Variants in FANCC observed in about 807,000 individuals in gnomAD.
FANCC encodes FA complementation group C.
FANCC carries 55 observed loss-of-function variants against 71.3 expected under a neutral mutation model. The observed-to-expected ratio is 0.77, with a 90% CI of 0.62 to 0.97. The LOEUF (loss-of-function observed/expected upper bound fraction) is 0.97, where lower values mean the gene tolerates loss of function less well. Among genes scored for constraint, FANCC ranks in the 50% least tolerant of loss-of-function variants. The pLI is 0.00. For missense variants in FANCC, 678 were observed against 670.9 expected, an observed-to-expected ratio of 1.01 and a Z score of -0.12; for synonymous variants, 275 against 244.9, an observed-to-expected ratio of 1.12 and a Z score of -1.15.
At chr9:95,230,432 C>T (rs564467083) in intron 4 of FANCC, among the ~76,000 whole-genome samples, 1 of 152,240 alleles carries the variant, frequency 6.6e-6, no homozygotes, top group African/African-American at 2.4e-5. Flanking sequence ...AATTATTTAA[C>T]CTTATTGTGT....
intron 1 of FANCC, among the ~76,000 whole-genome samples, chr9:95,273,175 A>G (rs531829625): frequency 8.5e-5 from 13 of 152,360 alleles, no homozygotes; most frequent in Middle Eastern, 3.4e-3. Flanking sequence ...TCGACGAGGG[A>G]AGGGTGGTGA....
intron 8 of FANCC, among the ~76,000 whole-genome samples, chr9:95,128,910 T>C (rs996680619): frequency 1.6e-5 from 2 of 127,716 alleles, no homozygotes; most frequent in African/African-American, 7.3e-5. Flanking sequence ...ACCAGTCTCC[T>C]TTTTTTTTTT....
At chr9:95,166,290 C>T (rs1831064374) in intron 6 of FANCC, among the ~76,000 whole-genome samples, 1 of 152,006 alleles carries the variant, frequency 6.6e-6, no homozygotes, top group African/African-American at 2.4e-5. Flanking sequence ...AGTAGTTATT[C>T]TGTTCACGAT....
rs551031340 is a variant in FANCC at position 95,308,862 on chromosome 9, G to A, written c.-79+8664C>T. ...AAAATTCAAGATATTTTTAAGGGCAGGCACAGTGTCTGCCTCATGCCTGTA... is the reference window on the plus strand; with the variant it reads ...AAAATTCAAGATATTTTTAAGGGCAAGCACAGTGTCTGCCTCATGCCTGTA... On this transcript the variant is annotated intron_variant, in intron 1 of 14. Transcript: ENST00000289081. Among the ~76,000 whole-genome samples the A allele has an allele frequency of 2.0e-5, 3 of 152,216 alleles. No homozygotes were observed. In the South Asian group the frequency reaches 6.2e-4, roughly 32 times the overall value.
intron 4 of FANCC, among the ~76,000 whole-genome samples, chr9:95,175,033 C>T (rs1045003389): frequency 6.6e-6 from 1 of 152,168 alleles, no homozygotes; most frequent in African/African-American, 2.4e-5. Context: ...TCTGCCCTTC[C>T]CCATCATGAT....
chr9:95,298,674 G>T (rs1315995698), intron 1 of FANCC, among the ~76,000 whole-genome samples: 1 of 152,208 alleles, frequency 6.6e-6, no homozygotes, highest in Non-Finnish European at 1.5e-5. Flanking sequence ...TAGCAGACCT[G>T]TAGCCCACCC....
At chr9:95,241,707 T>G (rs1830643320) in intron 3 of FANCC, among the ~76,000 whole-genome samples, 1 of 152,188 alleles carries the variant, frequency 6.6e-6, no homozygotes, top group South Asian at 2.1e-4. Context: ...TCACCCAGGC[T>G]GGAGTGCAGT....
At chr9:95,171,813 T>A (rs551072897) in intron 5 of FANCC, among the ~76,000 whole-genome samples, 11 of 152,322 alleles carry the variant, frequency 7.2e-5, no homozygotes, top group Admixed American at 5.2e-4. Flanking sequence ...AAAGAGAGGC[T>A]GATTGGTTGG....
chr9:95,126,662 A>G, intron 8 of FANCC, 81 bp from the exon 9 acceptor site: 3 of 1,407,954 alleles, frequency 2.1e-6, no homozygotes, highest in Non-Finnish European at 3.0e-6. Flanking sequence ...CAAAGGAGTT[A>G]CTGGGAACTG....
At chr9:95,142,584 GC>G (rs1828929695) in intron 7 of FANCC, 1 of 152,144 alleles carries the variant, frequency 6.6e-6, no homozygotes, top group African/African-American at 2.4e-5. Flanking sequence ...GAGGCACTGT[GC>G]TAAGAATATT....
intron 6 of FANCC, among the ~76,000 whole-genome samples, chr9:95,166,298 G>A (rs1831064896): frequency 6.6e-6 from 1 of 151,926 alleles, no homozygotes; most frequent in Admixed American, 6.6e-5. Flanking sequence ...TTCTGTTCAC[G>A]ATTTTCTCTT....
chr9:95,301,134 T>C (rs1034314300), intron 1 of FANCC, among the ~76,000 whole-genome samples: 42 of 146,824 alleles, frequency 2.9e-4, no homozygotes, highest in African/African-American at 1.0e-3. Flanking sequence ...AAGGCTAAAA[T>C]GATGAAAAGT....
intron 1 of FANCC, among the ~76,000 whole-genome samples, chr9:95,267,860 G>A (rs1001796782): frequency 3.3e-5 from 5 of 152,104 alleles, no homozygotes; most frequent in African/African-American, 9.7e-5. Context: ...TCAGGACTAC[G>A]GTCATTAAAA....
At chr9:95,263,675 G>A (rs762464933) in intron 1 of FANCC, among the ~76,000 whole-genome samples, 19 of 151,916 alleles carry the variant, frequency 1.3e-4, no homozygotes, top group Admixed American at 2.0e-4. Flanking sequence ...TCTTGACAAC[G>A]CCACCGCACA....
intron 4 of FANCC, among the ~76,000 whole-genome samples, chr9:95,228,615 G>C (rs974643669): frequency 2.6e-5 from 4 of 152,182 alleles, no homozygotes; most frequent in African/African-American, 4.8e-5. Flanking sequence ...TGGGGAGACA[G>C]AAAAAAACCC....
In FANCC at chr9:95,275,055, T is replaced by C. The variant is rs1281953570; in HGVS notation, c.-78-25686A>G. 1.8e-4 allele frequency among the ~76,000 whole-genome samples: 27 copies of C among 149,582 alleles called. No homozygotes were observed. The Admixed American group carries it at 1.8e-3, about 10-fold the overall frequency. ...CAAAGGCTGAGGCAGGAGGATTGCT[T>C]GAACCCAGGAGTTTGACACCAGCCT... On this transcript the variant is annotated intron_variant, in intron 1 of 14. Coordinates refer to ENST00000289081, the MANE Select transcript of FANCC (RefSeq NM_000136.3).
chr9:95,256,895 G>C (rs141849938), intron 1 of FANCC, among the ~76,000 whole-genome samples: 34,278 of 152,020 alleles, frequency 0.23, 5,015 homozygotes, highest in Non-Finnish European at 0.33. Flanking sequence ...GCTAGTCTCT[G>C]ATGAAACAGA....
chr9:95,186,885 G>A (rs1352737371), intron 4 of FANCC, among the ~76,000 whole-genome samples: 8 of 150,110 alleles, frequency 5.3e-5, no homozygotes, highest in Middle Eastern at 3.5e-3. Flanking sequence ...TCTGCCTCCC[G>A]GGTTCAAGAG....
chr9:95,184,981 A>G (rs1260117984), intron 4 of FANCC, among the ~76,000 whole-genome samples: 8 of 152,232 alleles, frequency 5.3e-5, no homozygotes, highest in Non-Finnish European at 1.0e-4. Context: ...TGTCTCAGGA[A>G]CAAAATATTC....
Sources: allele counts gnomAD v4.1 joint callset (sites outside exome capture counted in the v4.1 genomes callset), GRCh38; gene constraint gnomAD v4.1.1; transcripts MANE v1.5; gene names NCBI Gene and HGNC (gene_info 2026-07-23, HGNC 2026-07-21).